CTSZ: variants seen among roughly 807,000 people sequenced by gnomAD.
CTSZ encodes cathepsin Z.
A neutral mutation model predicts 32.4 loss-of-function variants in CTSZ; 39 were observed. That is an observed-to-expected ratio of 1.20 (90% CI 0.93 to 1.57). The LOEUF (loss-of-function observed/expected upper bound fraction) is 1.57, where lower values mean the gene tolerates loss of function less well. CTSZ is among the 40% of genes most tolerant of loss of function. The pLI, the probability that CTSZ is intolerant of heterozygous loss-of-function variation, is 0.00. For synonymous variants in CTSZ, 168 were observed against 170.1 expected (o/e 0.99, Z 0.10); for missense variants, 397 against 419.6 (o/e 0.95, Z 0.47).
At chr20:59,001,811 C>G (rs2091891042) in intron 2 of CTSZ, among the ~76,000 whole-genome samples, 167 bp from the exon 3 acceptor site, 1 of 152,234 alleles carries the variant, frequency 6.6e-6, no homozygotes, top group Admixed American at 6.5e-5. Flanking sequence ...TCATGGAGGT[C>G]TCCGCTCAGA....
intron 2 of CTSZ, among the ~76,000 whole-genome samples, chr20:59,003,685 T>A (rs1429709379): frequency 6.6e-6 from 1 of 151,634 alleles, no homozygotes; most frequent in Non-Finnish European, 1.5e-5. Flanking sequence ...CCCGCTGAGG[T>A]GACATCCATA....
intron 4 of CTSZ, 67 bp from the exon 5 acceptor site, chr20:58,996,868 C>T: frequency 6.4e-7 from 1 of 1,559,334 alleles, no homozygotes; most frequent in South Asian, 1.2e-5. Flanking sequence ...TAGAAATAAT[C>T]TGATATGGCT....
chr20:59,007,230 C>CGGCCCCGGCCT lies in CTSZ; in HGVS notation c.-103_-102insAGGCCGGGGCC, dbSNP rs71181993. Reference sequence around the variant, plus strand: ...TCCCGCCCCGGCCTCGGCCTCGGCCCAGCACCCGGCCGACCCCGCACTTTG... The same window carrying CGGCCCCGGCCT: ...TCCCGCCCCGGCCTCGGCCTCGGCCCGGCCCCGGCCTAGCACCCGGCCGACCCCGCACTTTG... On this transcript the variant is annotated 5_prime_UTR_variant, in exon 1 of 6. Coordinates refer to ENST00000217131, the MANE Select transcript of CTSZ (RefSeq NM_001336.4). The CGGCCCCGGCCT allele has an allele frequency of 1.4e-4, 177 of 1,262,612 alleles. 1 individual carries two copies. Among genetic ancestry groups the CGGCCCCGGCCT allele is most frequent in the Non-Finnish European group, 1.7e-4 (168 of 1,006,796 alleles). The allele number at this position is 1,262,612 out of a possible 1,614,324, so 78.2% of individuals were successfully genotyped here.
At chr20:58,996,600 T>C in intron 5 of CTSZ, 39 bp downstream of exon 5, 2 of 1,612,064 alleles carry the variant, frequency 1.2e-6, no homozygotes, top group Non-Finnish European at 1.7e-6. Flanking sequence ...CAGGACGTTT[T>C]TTTCTAGGAA....
intron 3 of CTSZ, among the ~76,000 whole-genome samples, chr20:58,999,042 C>CT (rs1192205768): frequency 1.2e-4 from 18 of 148,388 alleles, no homozygotes; most frequent in Admixed American, 2.7e-4. Flanking sequence ...CTTTTCTTTT[C>CT]TTTTTTTTTT....
At chr20:59,006,933 C>A in intron 1 of CTSZ, 53 bp downstream of exon 1, 2 of 1,345,928 alleles carry the variant, frequency 1.5e-6, no homozygotes, top group East Asian at 6.1e-5. Flanking sequence ...GCGCGCCTGG[C>A]CCGGGCGATG....
Position 59,001,475 on chromosome 20 carries a change from G to A in CTSZ, c.477C>T (p.Ala159=). Residue 159 remains alanine (A), a synonymous_variant, in exon 3 of 6, where the codon GCC becomes GCT. Coordinates refer to ENST00000217131, the MANE Select transcript of CTSZ (RefSeq NM_001336.4). ...CGGGCAGCAGCCTACCCTGGTCCTT[G>A]GCCTGGTAGTTGTTGCAGGTCTCGT... The part of the protein sequence containing the change: ...IPDETCNNYQ[A]KDQECDKFNQ... 1 of 1,612,096 alleles carries A rather than the reference G, an allele frequency of 6.2e-7. No individual in the cohort carries two copies. Among genetic ancestry groups the A allele is most frequent in the Non-Finnish European group, 8.5e-7 (1 of 1,178,576 alleles).
chr20:58,997,615 T>C lies in CTSZ; in HGVS notation c.626A>G (p.Asn209Ser), dbSNP rs758663717. Residue 209 changes from asparagine (N) to serine (S), a missense_variant, in exon 4 of 6, where the codon AAT becomes AGT. Physicochemically the swap from Asn to Ser is conservative, Grantham distance 46 (BLOSUM62 1). Coordinates refer to ENST00000217131, the MANE Select transcript of CTSZ (RefSeq NM_001336.4). Reference sequence around the variant, plus strand: ...GACCTCTCCTCACCTGATGGGACCATTTGCATAGATTTCTGCCATCATCTT... The same window carrying C: ...GACCTCTCCTCACCTGATGGGACCACTTGCATAGATTTCTGCCATCATCTT... The part of the protein sequence containing the change: ...REKMMAEIYA[N>S]GPISCGIMAT... 1 of 1,597,680 alleles carries C rather than the reference T, an allele frequency of 6.3e-7. No individual in the cohort carries two copies.
At chr20:58,995,813 T>G in intron 5 of CTSZ, 54 bp from the exon 6 acceptor site, 1 of 1,526,106 alleles carries the variant, frequency 6.6e-7, no homozygotes, top group Non-Finnish European at 9.0e-7. Context: ...CCCGCTCCCC[T>G]TGCTGCCGTC....
chr20:59,001,664 C>T lies in CTSZ; in HGVS notation c.308-20G>A, dbSNP rs1365458161. On this transcript the variant is annotated intron_variant, in intron 2 of 5. Transcript: ENST00000217131. Reference sequence around the variant, plus strand: ...TCCGATCTGCAACAGTCAGCACCTGCCAGTCAGCACTCACCCACTCTCCAC... The same window carrying T: ...TCCGATCTGCAACAGTCAGCACCTGTCAGTCAGCACTCACCCACTCTCCAC... 1 of 1,606,348 alleles carries T rather than the reference C, an allele frequency of 6.2e-7. No individual in the cohort carries two copies. The highest frequency in any genetic ancestry group is 1.7e-5 in the Admixed American group (1 of 59,696).
rs1263573401 is a variant in CTSZ, at chr20:59,002,065, G to A, written c.308-421C>T. ...ACCGTCCCTGCCCTCGTGGACAGGG[G>A]GCCAAGGTGTCAGCTCTGTGAACGA... is the stretch of plus-strand genomic sequence containing the variant. On this transcript the variant is annotated intron_variant, in intron 2 of 5. Coordinates refer to ENST00000217131, the MANE Select transcript of CTSZ (RefSeq NM_001336.4). This position sits in a 1 kb window ranked among gnomAD's most constrained non-coding sequence, Gnocchi z 4.1. Among the ~76,000 whole-genome samples the A allele has an allele frequency of 5.3e-5, 8 of 152,256 alleles. No homozygotes were observed. Among genetic ancestry groups the A allele is most frequent in the Non-Finnish European group, 5.9e-5 (4 of 68,038 alleles).
chr20:58,995,572 G>T lies in CTSZ; in HGVS notation c.*77C>A. The T allele has an allele frequency of 7.4e-7, 1 of 1,353,820 alleles. No homozygotes were observed. Among genetic ancestry groups the T allele is most frequent in the Non-Finnish European group, 1.1e-6 (1 of 950,846 alleles). 83.9% of individuals were successfully genotyped at this position (1,353,820 alleles called of 1,614,324 possible). ...ACCCCAGTTCCTGCCAGCCAGCCTG[G>T]CACACATAACCATAGGATCCCCTCT... On this transcript the variant is annotated 3_prime_UTR_variant, in exon 6 of 6. Transcript: ENST00000217131.
chr20:58,995,820 C>T (rs1252018792), intron 5 of CTSZ, 61 bp from the exon 6 acceptor site: 12 of 1,466,146 alleles, frequency 8.2e-6, no homozygotes, highest in South Asian at 4.6e-5. Flanking sequence ...CCCTTGCTGC[C>T]GTCAGCCCCC....
At chr20:58,996,834 T>C (rs752212937) in intron 4 of CTSZ, 33 bp from the exon 5 acceptor site, 6 of 1,605,372 alleles carry the variant, frequency 3.7e-6, no homozygotes, top group Non-Finnish European at 5.1e-6. Flanking sequence ...TTACCACTTT[T>C]AAATTGAGAG....
chr20:58,997,161 C>T (rs1223365636), intron 4 of CTSZ, among the ~76,000 whole-genome samples: 10 of 105,390 alleles, frequency 9.5e-5, no homozygotes, highest in East Asian at 2.8e-4. Flanking sequence ...GACTGTGTTT[C>T]AAAAAAAAAA....
In CTSZ at chr20:59,004,124, C is replaced by T. The variant is rs1321158425; in HGVS notation, c.307+2198G>A. 3.3e-5 allele frequency among the ~76,000 whole-genome samples: 5 copies of T among 152,130 alleles called. No homozygotes were observed. Among genetic ancestry groups the T allele is most frequent in the South Asian group, 4.2e-4 (2 of 4,818 alleles). ...CAGTCCAGGCTTTTGCCTGCATAGC[C>T]GGAAGGACAGCCAGGGAGGACTGGG... On this transcript the variant is annotated intron_variant, in intron 2 of 5. Coordinates refer to ENST00000217131, the MANE Select transcript of CTSZ (RefSeq NM_001336.4). This position sits in a 1 kb window ranked among gnomAD's most constrained non-coding sequence, Gnocchi z 5.6.
intron 2 of CTSZ, among the ~76,000 whole-genome samples, chr20:59,003,402 G>A (rs1247766421): frequency 6.6e-6 from 1 of 152,178 alleles, no homozygotes; most frequent in East Asian, 1.9e-4. Flanking sequence ...ATCTGGGAAC[G>A]GGCTTATTAC....
intron 3 of CTSZ, among the ~76,000 whole-genome samples, chr20:59,000,368 A>C (rs961566653): frequency 3.9e-5 from 6 of 152,210 alleles, no homozygotes; most frequent in African/African-American, 1.2e-4. Context: ...ACAAGAGCAA[A>C]ACTCCCTCTC....
rs369765479 is a variant in CTSZ at position 58,996,747 on chromosome 20, G to C, written c.693C>G (p.Ala231=). The C allele has an allele frequency of 6.8e-6, 11 of 1,613,988 alleles. No individual in the cohort carries two copies. The African/African-American group carries it at 1.5e-4, about 22-fold the overall frequency. The change falls in exon 5 of 6, where the codon GCC becomes GCG. Residue 231 remains alanine, a synonymous_variant. Coordinates refer to ENST00000217131, the MANE Select transcript of CTSZ (RefSeq NM_001336.4). The part of the protein sequence containing the change: ...RLANYTGGIY[A]EYQDTTYINH... ...TTATATATGTGGTGTCCTGGTATTCGGCATAGATGCCTCCGGTGTAGTTAG... is the reference window on the plus strand; with the variant it reads ...TTATATATGTGGTGTCCTGGTATTCCGCATAGATGCCTCCGGTGTAGTTAG...
Sources: gnomAD v4.1 joint callset for allele counts (sites outside exome capture counted in the v4.1 genomes callset) on GRCh38, gnomAD v4.1.1 for gene constraint, Gnocchi (gnomAD v3.1) non-coding constraint, MANE v1.5 for transcripts, NCBI Gene and HGNC (gene_info 2026-07-23, HGNC 2026-07-21) for gene names.